ADNP: variants seen among roughly 807,000 people sequenced by gnomAD.
ADNP encodes the protein activity-dependent neuroprotector homeobox protein.
Under a neutral mutation model 84.9 loss-of-function variants are expected in ADNP, and 4 were observed. The ratio of observed to expected loss-of-function variants is 0.05; its 90% CI spans 0.02 to 0.11. ADNP has a LOEUF of 0.11. ADNP is among the 10% of genes least tolerant of loss of function. The pLI is 1.00. For missense variants in ADNP, 1,132 were observed against 1,326.0 expected, an observed-to-expected ratio of 0.85 and a Z score of 2.27; for synonymous variants, 554 against 468.1, an observed-to-expected ratio of 1.18 and a Z score of -2.37.
Position 50,890,766 on chromosome 20 carries a change from G to T in ADNP, c.*639C>A. Reference sequence around the variant, plus strand: ...GGCCTCTGTTGCAAGATTGTACAAGGTTATGTGCAAAAACTAAGTCTGTCC... The same window carrying T: ...GGCCTCTGTTGCAAGATTGTACAAGTTTATGTGCAAAAACTAAGTCTGTCC... On this transcript the variant is annotated 3_prime_UTR_variant, in exon 6 of 6. Transcript: ENST00000621696. 1 of 234,080 alleles carries T rather than the reference G, an allele frequency of 4.3e-6. No individual in the cohort carries two copies. The highest frequency in any genetic ancestry group is 7.0e-6 in the Non-Finnish European group (1 of 142,620). The allele number at this position is 234,080 out of a possible 1,614,324, so 14.5% of individuals were successfully genotyped here.
At chr20:50,913,851 G>A in intron 2 of ADNP, 1 of 561,714 alleles carries the variant, frequency 1.8e-6, no homozygotes, top group Admixed American at 2.4e-5. Context: ...GGACAGAAGT[G>A]CATTGCATTG....
intron 4 of ADNP, 107 bp downstream of exon 4, chr20:50,903,782 G>T: frequency 1.3e-6 from 1 of 796,224 alleles, no homozygotes; most frequent in Non-Finnish European, 2.0e-6. Context: ...TACTGCTGTG[G>T]CTGAAATTCA....
chr20:50,923,256 C>G (rs984541211), intron 2 of ADNP, among the ~76,000 whole-genome samples: 9 of 152,052 alleles, frequency 5.9e-5, no homozygotes, highest in African/African-American at 2.2e-4. Context: ...TATTTTGATC[C>G]CCTAATAATA....
At position 50,911,804 on chromosome 20, in the gene ADNP, A is replaced by T. The variant is rs139447254; in HGVS notation, c.-89-6955T>A. Among the ~76,000 whole-genome samples the T allele has an allele frequency of 9.8e-5, 15 of 152,296 alleles. No individual in the cohort carries two copies. In the East Asian group the frequency reaches 2.7e-3, roughly 27 times the overall value. The stretch of plus-strand genomic sequence containing the variant: ...TAAGCCTGTTTTAGATAAGCAAAAG[A>T]CAACCCAGCTACCTCTGAACAGGCA... On this transcript the variant is annotated intron_variant, in intron 2 of 5. Transcript: ENST00000621696.
intron 2 of ADNP, among the ~76,000 whole-genome samples, chr20:50,927,574 T>C (rs76557181): frequency 6.6e-6 from 1 of 152,038 alleles, no homozygotes; most frequent in African/African-American, 2.4e-5. Context: ...TTTTTTTTTT[T>C]TGGTAGAGAC....
Position 50,928,841 on chromosome 20 carries a change from G to A in ADNP, c.-264-16C>T, listed in dbSNP as rs1214323001. ...CATCTCACACCTATGGAAATAACAA[G>A]AGGAGTAAAATCTATGGAAATCAAC... On this transcript the variant is annotated splice_polypyrimidine_tract_variant and intron_variant, in intron 1 of 5. Coordinates refer to ENST00000621696, the MANE Select transcript of ADNP (RefSeq NM_001282531.3). The A allele has an allele frequency of 1.3e-5, 2 of 152,352 alleles. No individual in the cohort carries two copies. Among genetic ancestry groups the A allele is most frequent in the East Asian group, 1.9e-4 (1 of 5,190 alleles). 9.4% of individuals were successfully genotyped at this position (152,352 alleles called of 1,614,324 possible).
At chr20:50,906,149 T>C (rs1982452792) in intron 2 of ADNP, among the ~76,000 whole-genome samples, 1 of 152,082 alleles carries the variant, frequency 6.6e-6, no homozygotes, top group Admixed American at 6.5e-5. Context: ...GAGGCAGAGG[T>C]TGCAGTGAGC....
chr20:50,920,615 C>T (rs1983896667), intron 2 of ADNP, among the ~76,000 whole-genome samples: 1 of 151,368 alleles, frequency 6.6e-6, no homozygotes, highest in African/African-American at 2.4e-5. Flanking sequence ...CCAGACCTAC[C>T]CAACCCTCAG....
intron 2 of ADNP, among the ~76,000 whole-genome samples, chr20:50,907,769 G>T (rs5841818): frequency 2.7e-4 from 31 of 116,404 alleles, no homozygotes; most frequent in African/African-American, 6.9e-4. Context: ...GTGTGTGTGT[G>T]TTTTTTTTTG....
At chr20:50,928,901 G>T (rs1485633685) in intron 1 of ADNP, 76 bp from the exon 2 acceptor site, 3 of 152,208 alleles carry the variant, frequency 2.0e-5, no homozygotes, top group African/African-American at 7.2e-5. Context: ...CAGAAGACTG[G>T]TATCAACATT....
intron 2 of ADNP, among the ~76,000 whole-genome samples, chr20:50,908,541 A>G (rs944952143): frequency 2.1e-4 from 32 of 151,924 alleles, no homozygotes; most frequent in African/African-American, 7.0e-4. Flanking sequence ...TTGGGAGGCC[A>G]AGGCGGGCGA....
Position 50,892,877 on chromosome 20 carries a change from C to G in ADNP, c.1837G>C (p.Val613Leu), listed in dbSNP as rs1460214169. The G allele has an allele frequency of 2.5e-6, 4 of 1,614,236 alleles. No individual in the cohort carries two copies. The highest frequency in any genetic ancestry group is 2.5e-6 in the Non-Finnish European group (3 of 1,180,048). The change falls in exon 6 of 6, where the codon GTG becomes CTG. Residue 613 changes from valine to leucine, a missense_variant. By Grantham distance (32) the Val-to-Leu change is conservative (BLOSUM62 1). This residue lies in a region of ADNP where 53 missense variants were observed against 39.8 expected (regional missense o/e 1.33). Coordinates refer to ENST00000621696, the MANE Select transcript of ADNP (RefSeq NM_001282531.3). ...IPVKSSPQAA[V>L]PYKKDVGKTL... Reference sequence around the variant, plus strand: ...TTCCCAACATCTTTTTTATAGGGCACTGCAGCTTGAGGTGAACTTTTTACA... The same window carrying G: ...TTCCCAACATCTTTTTTATAGGGCAGTGCAGCTTGAGGTGAACTTTTTACA...
chr20:50,891,719 C>T lies in ADNP; in HGVS notation c.2995G>A (p.Glu999Lys), dbSNP rs746774136. Residue 999 changes from glutamate (E) to lysine (K), a missense_variant, in exon 6 of 6, where the codon GAG becomes AAG. Glu to Lys is a moderately conservative substitution (Grantham distance 56). This residue lies in a region of ADNP where 381 missense variants were observed against 319.9 expected (regional missense o/e 1.19). Coordinates refer to ENST00000621696, the MANE Select transcript of ADNP (RefSeq NM_001282531.3). ...CTTGCATCTTCGCTTTGGGAAGACT[C>T]GTCAGACCAGGTTCCTGGTTTCATT... ...CEMKPGTWSD[E>K]SSQSEDARSS... 1.1e-5 allele frequency: 17 copies of T among 1,614,178 alleles called. No homozygotes were observed. The highest frequency in any genetic ancestry group is 1.4e-5 in the Non-Finnish European group (16 of 1,180,038).
intron 2 of ADNP, among the ~76,000 whole-genome samples, chr20:50,926,360 G>C (rs969462350): frequency 3.3e-4 from 50 of 152,284 alleles, no homozygotes; most frequent in African/African-American, 1.0e-3. Context: ...GGTTGAACAA[G>C]TAGCTTATTT....
In ADNP at chr20:50,900,609, C is replaced by T. The variant is rs193067583; in HGVS notation, c.201+1408G>A. Among the ~76,000 whole-genome samples the T allele has an allele frequency of 1.4e-3, 212 of 152,282 alleles. 1 individual carries two copies. Among genetic ancestry groups the T allele is most frequent in the African/African-American group, 4.9e-3 (204 of 41,546 alleles). On this transcript the variant is annotated intron_variant, in intron 5 of 5. Transcript: ENST00000621696. The stretch of plus-strand genomic sequence containing the variant: ...AATTATATTCTTATGGGACCACTGT[C>T]GTAGATGTAGTTCATCACTGACCAA...
chr20:50,901,000 T>C (rs1012529067), intron 5 of ADNP, among the ~76,000 whole-genome samples: 1 of 152,162 alleles, frequency 6.6e-6, no homozygotes, highest in Admixed American at 6.5e-5. Flanking sequence ...TAAAAGCCAA[T>C]AATACATTAT....
intron 2 of ADNP, among the ~76,000 whole-genome samples, chr20:50,924,258 C>G (rs894762214): frequency 5.3e-5 from 8 of 152,224 alleles, no homozygotes; most frequent in Non-Finnish European, 8.8e-5. Context: ...ATACAGTTAA[C>G]TTCCCAGCAG....
At chr20:50,901,362 T>C (rs1222645132) in intron 5 of ADNP, among the ~76,000 whole-genome samples, 1 of 137,996 alleles carries the variant, frequency 7.2e-6, no homozygotes, top group African/African-American at 2.7e-5. Flanking sequence ...AATATCTGAG[T>C]ACTAATTTCC....
At chr20:50,906,013 C>A (rs1013457231) in intron 2 of ADNP, among the ~76,000 whole-genome samples, 1 of 152,160 alleles carries the variant, frequency 6.6e-6, no homozygotes, top group Non-Finnish European at 1.5e-5. Flanking sequence ...GAGATCGAGA[C>A]CAACCTGGCC....
Sources: gnomAD v4.1 joint callset for allele counts (sites outside exome capture counted in the v4.1 genomes callset) on GRCh38, gnomAD v4.1.1 for gene constraint, gnomAD v4.1.1 regional missense constraint, MANE v1.5 for transcripts, NCBI Gene and HGNC (gene_info 2026-07-23, HGNC 2026-07-21) for gene names.